BICDL1: variants seen among roughly 807,000 people sequenced by gnomAD.
BICDL1 encodes the protein BICD family like cargo adaptor 1.
In BICDL1, 20 loss-of-function variants were observed where a neutral mutation model predicts 76.8. That is an observed-to-expected ratio of 0.26 (90% CI 0.18 to 0.38). The LOEUF is 0.38. BICDL1 is among the 10% of genes least tolerant of loss of function. BICDL1 has a pLI of 1.00. For synonymous variants in BICDL1, 383 were observed against 337.1 expected (o/e 1.14, Z -1.49); for missense variants, 700 against 798.6 (o/e 0.88, Z 1.49).
chr12:120,038,245 A>G (rs901612568), intron 2 of BICDL1, among the ~76,000 whole-genome samples: 2 of 152,210 alleles, frequency 1.3e-5, no homozygotes, highest in African/African-American at 4.8e-5. Flanking sequence ...AGTTTGCGCA[A>G]AGGGCTAGCC....
intron 2 of BICDL1, among the ~76,000 whole-genome samples, chr12:120,007,293 G>A (rs1451611557): frequency 2.0e-5 from 3 of 152,190 alleles, no homozygotes; most frequent in African/African-American, 7.2e-5. Context: ...TAGAACAAAT[G>A]AGAATTCTGT....
At chr12:120,088,014 C>G (rs1466914804) in intron 8 of BICDL1, among the ~76,000 whole-genome samples, 1 of 152,056 alleles carries the variant, frequency 6.6e-6, no homozygotes, top group Non-Finnish European at 1.5e-5. Flanking sequence ...ACTGTAACCT[C>G]CGCCTCCTGG....
chr12:120,071,170 T>C lies in BICDL1; in HGVS notation c.910-452T>C, dbSNP rs1047189964. Among the ~76,000 whole-genome samples the C allele has an allele frequency of 1.3e-5, 2 of 151,918 alleles. No individual in the cohort carries two copies. The highest frequency in any genetic ancestry group is 4.8e-5 in the African/African-American group (2 of 41,330). On this transcript the variant is annotated intron_variant, in intron 4 of 9. Transcript: ENST00000548673. This position sits in a 1 kb window ranked among gnomAD's most constrained non-coding sequence, Gnocchi z 4.8. ...TCTTTTTTTCTTTTTTGAGGTGGCG[T>C]CTCGCACTGTCACCCAGGTTGGAGT...
intron 2 of BICDL1, among the ~76,000 whole-genome samples, chr12:120,019,509 T>C (rs1215052937): frequency 6.6e-6 from 1 of 152,234 alleles, no homozygotes; most frequent in Non-Finnish European, 1.5e-5. Flanking sequence ...ATAGAAAATT[T>C]AATATTTTTT....
intron 1 of BICDL1, 41 bp downstream of exon 1, chr12:119,990,338 G>C (rs1444508210): frequency 1.3e-6 from 2 of 1,542,426 alleles, no homozygotes; most frequent in East Asian, 5.0e-5. Flanking sequence ...AGCAGGGGCC[G>C]CCCAGGCACG....
intron 8 of BICDL1, among the ~76,000 whole-genome samples, chr12:120,089,286 G>A (rs1224274637): frequency 3.0e-5 from 4 of 133,754 alleles, no homozygotes; most frequent in Non-Finnish European, 6.0e-5. Context: ...GTGTGTGTGT[G>A]TGTATGTGTG....
rs756565876 is a variant in BICDL1, at chr12:119,990,054, G to A, written c.186G>A (p.Leu62=). 8 of 1,533,728 alleles carry A rather than the reference G, an allele frequency of 5.2e-6. No homozygotes were observed. The Admixed American group carries it at 1.1e-4, about 21-fold the overall frequency. The change falls in exon 1 of 10, where the codon CTG becomes CTA. Residue 62 remains leucine, a synonymous_variant. Coordinates refer to ENST00000548673, the MANE Select transcript of BICDL1 (RefSeq NM_001367886.1). The stretch of plus-strand genomic sequence containing the variant: ...TGGCGTTAGAGGAGGAGCTGGCGCT[G>A]CTGGCGGCCGGGGAGCGGCCGTCCG... ...LELALEEELA[L]LAAGERPSDP... is the part of the protein sequence containing the mutation.
chr12:120,071,249 T>A lies in BICDL1; in HGVS notation c.910-373T>A, dbSNP rs1873081886. 6.6e-6 allele frequency among the ~76,000 whole-genome samples: 1 copy of A among 151,872 alleles called. No homozygotes were observed. Among genetic ancestry groups the A allele is most frequent in the South Asian group, 2.1e-4 (1 of 4,786 alleles). The stretch of plus-strand genomic sequence containing the variant: ...CGTCCGCCTCCTGGGTTCAAGCGAT[T>A]CTCCTGCCTCATTCCCCAAGTAGCT... On this transcript the variant is annotated intron_variant, in intron 4 of 9. Coordinates refer to ENST00000548673, the MANE Select transcript of BICDL1 (RefSeq NM_001367886.1). The surrounding 1 kb of genome is among the most constrained non-coding windows in gnomAD (Gnocchi z 4.8).
chr12:119,995,448 G>A (rs542510254), intron 1 of BICDL1, among the ~76,000 whole-genome samples: 79 of 152,300 alleles, frequency 5.2e-4, no homozygotes, highest in African/African-American at 1.7e-3. Flanking sequence ...GATTGTTTCA[G>A]TTGCTTGGTT....
In BICDL1 at chr12:120,071,869, A is replaced by C. The variant is rs1242481946; in HGVS notation, c.1089+68A>C. The C allele has an allele frequency of 1.4e-6, 2 of 1,455,504 alleles. No homozygotes were observed. The highest frequency in any genetic ancestry group is 1.8e-6 in the Non-Finnish European group (2 of 1,103,382). The allele number at this position is 1,455,504 out of a possible 1,614,324, so 90.2% of individuals were successfully genotyped here. Reference sequence around the variant, plus strand: ...TTGCTTAGGTCTCATCCTCCTCCCTAGTGCTCAGCTGCCATCCTGGCAAGG... The same window carrying C: ...TTGCTTAGGTCTCATCCTCCTCCCTCGTGCTCAGCTGCCATCCTGGCAAGG... On this transcript the variant is annotated intron_variant, in intron 5 of 9. Coordinates refer to ENST00000548673, the MANE Select transcript of BICDL1 (RefSeq NM_001367886.1). The surrounding 1 kb of genome is among the most constrained non-coding windows in gnomAD (Gnocchi z 4.8).
At chr12:120,077,795 A>G (rs1370543756) in intron 7 of BICDL1, among the ~76,000 whole-genome samples, 1 of 42,366 alleles carries the variant, frequency 2.4e-5, no homozygotes, top group Non-Finnish European at 5.1e-5. Flanking sequence ...GCCTTCCCCC[A>G]GCCCGCCCAC....
At chr12:120,090,641 GCA>G (rs996023904) in intron 9 of BICDL1, 5 of 356,266 alleles carry the variant, frequency 1.4e-5, no homozygotes, top group South Asian at 4.3e-5. Context: ...GGTTGAGGTA[GCA>G]CAGTTTTAGG....
At chr12:120,008,640 A>ATTTGGTTGATTT (rs1330514842) in intron 2 of BICDL1, among the ~76,000 whole-genome samples, 1 of 152,060 alleles carries the variant, frequency 6.6e-6, no homozygotes, top group Non-Finnish European at 1.5e-5. Flanking sequence ...TATCTCATTG[A>ATTTGGTTGATTT]TTTGGTTGAT....
Position 120,090,130 on chromosome 12 carries a change from A to G in BICDL1, c.1704+59A>G. On this transcript the variant is annotated intron_variant, in intron 9 of 9. Transcript: ENST00000548673. ...GACTCCAGGAGGAATCTCTGAACCC[A>G]GGCAGAGTGTAAGGAGAGTTTGCCA... 4 of 1,594,914 alleles carry G rather than the reference A, an allele frequency of 2.5e-6. No individual in the cohort carries two copies. In the East Asian group the frequency reaches 8.9e-5, roughly 36 times the overall value.
At chr12:120,088,231 C>T (rs560468878) in intron 8 of BICDL1, among the ~76,000 whole-genome samples, 15 of 151,810 alleles carry the variant, frequency 9.9e-5, no homozygotes, top group African/African-American at 3.6e-4. Flanking sequence ...CAGCACCCTG[C>T]GGACACAGGC....
intron 2 of BICDL1, among the ~76,000 whole-genome samples, chr12:120,021,967 A>G (rs917654798): frequency 6.7e-6 from 1 of 149,530 alleles, no homozygotes; most frequent in Non-Finnish European, 1.5e-5. Flanking sequence ...AATAAAATAT[A>G]AAAAAATAAA....
chr12:120,057,380 G>A (rs1952997545), intron 2 of BICDL1, among the ~76,000 whole-genome samples: 1 of 152,134 alleles, frequency 6.6e-6, no homozygotes, highest in Non-Finnish European at 1.5e-5. Context: ...AGAGACTGCT[G>A]TTACCCTGGC....
At chr12:120,019,979 G>A (rs11064996) in intron 2 of BICDL1, among the ~76,000 whole-genome samples, 20,080 of 152,110 alleles carry the variant, frequency 0.13, 1,646 homozygotes, top group East Asian at 0.41. Flanking sequence ...AGGTTAGGAT[G>A]TATAGGCAAA....
chr12:120,059,436 C>T (rs1218269032), intron 2 of BICDL1, among the ~76,000 whole-genome samples: 3 of 151,880 alleles, frequency 2.0e-5, no homozygotes, highest in Non-Finnish European at 2.9e-5. Flanking sequence ...CCACCATGCC[C>T]AGCTAATTTT....
Sources: gnomAD v4.1 joint callset for allele counts (sites outside exome capture counted in the v4.1 genomes callset) on GRCh38, gnomAD v4.1.1 for gene constraint, Gnocchi (gnomAD v3.1) non-coding constraint, MANE v1.5 for transcripts, NCBI Gene and HGNC (gene_info 2026-07-23, HGNC 2026-07-21) for gene names.